The following HARBI1 variants were observed in gnomAD, a reference collection of about 807,000 sequenced individuals.
HARBI1 encodes the protein harbinger transposase derived 1.
Under a neutral mutation model 25.3 loss-of-function variants are expected in HARBI1, and 15 were observed. The ratio of observed to expected loss-of-function variants is 0.59; its 90% confidence interval spans 0.40 to 0.91. HARBI1 has a LOEUF of 0.91. Ranked by LOEUF, HARBI1 falls within the 40% of genes least tolerant of loss-of-function variation. HARBI1 has a pLI of 0.00. For synonymous variants in HARBI1, 168 were observed against 160.5 expected, an observed-to-expected ratio of 1.05 and a Z score of -0.35; for missense variants, 396 against 445.8, an observed-to-expected ratio of 0.89 and a Z score of 1.01.
At chr11:46,605,746 C>T (rs1373069548) in intron 2 of HARBI1, among the ~76,000 whole-genome samples, 5 of 151,644 alleles carry the variant, frequency 3.3e-5, no homozygotes, top group Non-Finnish European at 7.4e-5. Flanking sequence ...CGCCACCACG[C>T]CCGGCTAATT....
chr11:46,604,777 G>A (rs1378298884), intron 2 of HARBI1: 8 of 833,464 alleles, frequency 9.6e-6, no homozygotes, highest in East Asian at 2.5e-4. Flanking sequence ...CTTTGTAAGA[G>A]GAAGAATTTC....
chr11:46,615,248 T>C (rs1252989668), intron 2 of HARBI1, among the ~76,000 whole-genome samples: 1 of 141,442 alleles, frequency 7.1e-6, no homozygotes, highest in Non-Finnish European at 1.5e-5. Context: ...TGAGATGGAG[T>C]TTTTGCTCTG....
chr11:46,616,265 T>C lies in HARBI1; in HGVS notation c.-28A>G. 1 of 1,582,022 alleles carries C rather than the reference T, an allele frequency of 6.3e-7. No individual in the cohort carries two copies. Among genetic ancestry groups the C allele is most frequent in the Non-Finnish European group, 8.6e-7 (1 of 1,167,838 alleles). On this transcript the variant is annotated 5_prime_UTR_variant, in exon 2 of 3. Transcript: ENST00000326737. ...TAAATGTGAATGTTGGCTCTCCTCT[T>C]TGCTTTTTCTGAACTGTTCCCAATG... is the stretch of plus-strand genomic sequence containing the variant.
At chr11:46,604,669 A>G in intron 2 of HARBI1, 3 of 985,164 alleles carry the variant, frequency 3.0e-6, no homozygotes, top group Non-Finnish European at 3.6e-6. Flanking sequence ...TTATTCTCCC[A>G]GTGCTAAGAA....
At chr11:46,607,831 G>C (rs1432026111) in intron 2 of HARBI1, among the ~76,000 whole-genome samples, 1 of 150,672 alleles carries the variant, frequency 6.6e-6, no homozygotes, top group African/African-American at 2.4e-5. Context: ...GGTATATTTA[G>C]AGGGGAATTT....
chr11:46,608,105 C>T (rs924636106), intron 2 of HARBI1, among the ~76,000 whole-genome samples: 1 of 152,020 alleles, frequency 6.6e-6, no homozygotes, highest in African/African-American at 2.4e-5. Flanking sequence ...TTGAGACCAG[C>T]CTGACCAACG....
At chr11:46,604,269 G>A (rs1376293446) in intron 2 of HARBI1, 7 of 974,668 alleles carry the variant, frequency 7.2e-6, no homozygotes, top group Non-Finnish European at 8.5e-6. Context: ...AGCACTTTGG[G>A]AGGCTGAGGC....
Position 46,616,240 on chromosome 11 carries a change from T to C in HARBI1, c.-3A>G. The C allele has an allele frequency of 6.3e-7, 1 of 1,598,404 alleles. No homozygotes were observed. The highest frequency in any genetic ancestry group is 1.7e-5 in the Admixed American group (1 of 59,346). ...AGCACTGTTATTGGTATAGCCATGG[T>C]AAATGTGAATGTTGGCTCTCCTCTT... is the stretch of plus-strand genomic sequence containing the variant. On this transcript the variant is annotated 5_prime_UTR_variant, in exon 2 of 3. Coordinates refer to ENST00000326737, the MANE Select transcript of HARBI1 (RefSeq NM_173811.4).
chr11:46,605,288 G>A (rs902450158), intron 2 of HARBI1, among the ~76,000 whole-genome samples: 1 of 151,832 alleles, frequency 6.6e-6, no homozygotes, highest in Non-Finnish European at 1.5e-5. Flanking sequence ...ATAACAGTTC[G>A]CTGCAGCCTC....
chr11:46,604,117 T>C (rs959802916), intron 2 of HARBI1: 1 of 985,254 alleles, frequency 1.0e-6, no homozygotes, highest in Non-Finnish European at 1.2e-6. Context: ...TGGCTGAGAA[T>C]GTCGTTGGTA....
At chr11:46,613,329 T>C (rs1040230214) in intron 2 of HARBI1, among the ~76,000 whole-genome samples, 7 of 152,116 alleles carry the variant, frequency 4.6e-5, no homozygotes, top group Admixed American at 6.6e-5. Flanking sequence ...CTTTCATATA[T>C]ATTACCTAAT....
intron 2 of HARBI1, among the ~76,000 whole-genome samples, chr11:46,608,469 G>A (rs1164092094): frequency 6.6e-6 from 1 of 151,970 alleles, no homozygotes; most frequent in Non-Finnish European, 1.5e-5. Context: ...GAATGATTTA[G>A]GGTATCTCTC....
At position 46,603,911 on chromosome 11, in the gene HARBI1, T is replaced by C; in HGVS notation, c.671-2A>G. On this transcript the variant is annotated splice_acceptor_variant, in intron 2 of 2. Transcript: ENST00000326737. LOFTEE classifies it high-confidence loss of function. Reference sequence around the variant, plus strand: ...TTCGAAGAAAGAAGGAACTGTCACCTGTGGGGAAGGCCCAAATAAATCATA... The same window carrying C: ...TTCGAAGAAAGAAGGAACTGTCACCCGTGGGGAAGGCCCAAATAAATCATA... 1 of 1,602,518 alleles carries C rather than the reference T, an allele frequency of 6.2e-7. No homozygotes were observed. The highest frequency in any genetic ancestry group is 1.7e-5 in the Admixed American group (1 of 58,408).
rs1361616805 is a variant in HARBI1 at position 46,616,168 on chromosome 11, G to A, written c.70C>T (p.Arg24Cys). The change falls in exon 2 of 3, where the codon CGT becomes TGT. Residue 24 changes from arginine to cysteine, a missense_variant. Transcript: ENST00000326737. Reference sequence around the variant, plus strand: ...TCAGTCACATCATCCAGCTTAAAACGGTCCAATGTCCGGTGACCACGGCCA... The same window carrying A: ...TCAGTCACATCATCCAGCTTAAAACAGTCCAATGTCCGGTGACCACGGCCA... ...LYGRGHRTLD[R>C]FKLDDVTDEY... 2 of 1,613,714 alleles carry A rather than the reference G, an allele frequency of 1.2e-6. No individual in the cohort carries two copies. Among genetic ancestry groups the A allele is most frequent in the African/African-American group, 1.3e-5 (1 of 74,916 alleles).
intron 2 of HARBI1, among the ~76,000 whole-genome samples, chr11:46,612,462 C>G (rs780222307): frequency 3.3e-5 from 5 of 151,926 alleles, no homozygotes; most frequent in Admixed American, 6.6e-5. Flanking sequence ...TCACTGCTAA[C>G]TGCACTCCTC....
chr11:46,616,858 A>AC (rs2045551672), intron 1 of HARBI1: 13 of 961,678 alleles, frequency 1.4e-5, no homozygotes, highest in Non-Finnish European at 1.5e-5. Context: ...AAAAAAAAAA[A>AC]AAAACAACCA....
rs553116745 is a variant in HARBI1 at position 46,615,975 on chromosome 11, C to G, written c.263G>C (p.Arg88Pro). 5.0e-6 allele frequency: 8 copies of G among 1,614,032 alleles called. No homozygotes were observed. Among genetic ancestry groups the G allele is most frequent in the African/African-American group, 1.3e-5 (1 of 74,896 alleles). Reference protein sequence around the residue: ...GFYTSGSFQTRMGDAIGISQA... With the variant: ...GFYTSGSFQTPMGDAIGISQA... The stretch of plus-strand genomic sequence containing the variant: ...ACTGATTCCAATGGCATCTCCCATC[C>G]GAGTCTGGAAGGAACCTGAGGTATA... Residue 88 changes from arginine (R) to proline (P), a missense_variant, in exon 2 of 3, where the codon CGG becomes CCG. Transcript: ENST00000326737.
chr11:46,607,177 G>A (rs982465698), intron 2 of HARBI1, among the ~76,000 whole-genome samples: 1 of 147,698 alleles, frequency 6.8e-6, no homozygotes, highest in Admixed American at 6.9e-5. Flanking sequence ...GTAGAAAACT[G>A]TTTGAACCTG....
chr11:46,615,030 A>C (rs955339053), intron 2 of HARBI1, among the ~76,000 whole-genome samples: 7 of 152,022 alleles, frequency 4.6e-5, no homozygotes, highest in African/African-American at 1.7e-4. Context: ...CTCCTGCCTC[A>C]GCCTCCCGAG....
Sources: allele counts gnomAD v4.1 joint callset (sites outside exome capture counted in the v4.1 genomes callset), GRCh38; gene constraint gnomAD v4.1.1; transcripts MANE v1.5; gene names NCBI Gene and HGNC (gene_info 2026-07-23, HGNC 2026-07-21).